The following CFAP99 variants were observed in gnomAD, a reference collection of about 807,000 sequenced individuals.
The protein encoded by CFAP99 is cilia- and flagella-associated protein 99.
In CFAP99, 84 loss-of-function variants were observed where a neutral mutation model predicts 82.7. The observed-to-expected ratio is 1.02, with a 90% CI of 0.85 to 1.22. CFAP99 has a LOEUF of 1.22. CFAP99 is among the 50% of genes most tolerant of loss of function. The pLI is 0.00. For missense variants in CFAP99, 1,059 were observed against 983.5 expected (o/e 1.08, Z -1.03); for synonymous variants, 456 against 429.5 (o/e 1.06, Z -0.76).
intron 14 of CFAP99, among the ~76,000 whole-genome samples, chr4:2,460,836 G>C (rs554369935): frequency 6.6e-6 from 1 of 152,188 alleles, no homozygotes; most frequent in Admixed American, 6.5e-5. Context: ...TGCAACCTCT[G>C]CCTCCCAGGT....
chr4:2,426,565 G>C, exon 2 of CFAP99: 1 of 1,535,912 alleles, frequency 6.5e-7, no homozygotes, highest in Non-Finnish European at 8.7e-7. Flanking sequence ...AGTTCCTGGA[G>C]GCTGCGGCCA....
intron 4 of CFAP99, among the ~76,000 whole-genome samples, chr4:2,440,677 C>T (rs1486173686): frequency 6.6e-6 from 1 of 151,928 alleles, no homozygotes; most frequent in Non-Finnish European, 1.5e-5. Context: ...ACTGCAAGCT[C>T]TGCCTCCCAG....
At chr4:2,429,593 C>CTTT (rs33954359) in intron 2 of CFAP99, among the ~76,000 whole-genome samples, 1 of 139,156 alleles carries the variant, frequency 7.2e-6, no homozygotes, top group African/African-American at 2.7e-5. Flanking sequence ...TTCTTTCTTT[C>CTTT]TTTTTTTTTT....
chr4:2,459,906 T>C (rs767691111), intron 13 of CFAP99, 131 bp from the exon 14 acceptor site: 3 of 778,064 alleles, frequency 3.9e-6, no homozygotes. Context: ...TGGGGGCATG[T>C]TTCATAAGCA....
intron 14 of CFAP99, among the ~76,000 whole-genome samples, chr4:2,460,523 G>A (rs978937179): frequency 1.7e-4 from 26 of 152,168 alleles, no homozygotes; most frequent in African/African-American, 5.3e-4. Flanking sequence ...TGTGCTTCAC[G>A]TAGCCAGCTA....
rs1321795733 is a variant in CFAP99, at chr4:2,421,877, T to C, written c.-18+2784T>C. On this transcript the variant is annotated intron_variant, in intron 1 of 14. Coordinates refer to ENST00000635017, the Ensembl canonical transcript of CFAP99. ...GGCAACATAGTAAGACCCCTGTCTC[T>C]ACAAAAAAAAAAAAAAAATTAAGCA... Among the ~76,000 whole-genome samples the C allele has an allele frequency of 4.7e-5, 5 of 105,904 alleles. No individual in the cohort carries two copies. The South Asian group carries it at 1.0e-3, about 21-fold the overall frequency. The allele number at this position is 105,904 out of a possible 152,430, so 69.5% of individuals were successfully genotyped here.
chr4:2,462,543 C>A lies in CFAP99; in HGVS notation c.1762C>A (p.Arg588Ser), dbSNP rs1482948262. 2 of 1,467,938 alleles carry A rather than the reference C, an allele frequency of 1.4e-6. No individual in the cohort carries two copies. The highest frequency in any genetic ancestry group is 1.8e-6 in the Non-Finnish European group (2 of 1,117,192). 90.9% of individuals were successfully genotyped at this position (1,467,938 alleles called of 1,614,324 possible). Residue 588 changes from arginine (R) to serine (S), a missense_variant, in exon 15 of 15, where the codon CGC becomes AGC. Coordinates refer to ENST00000635017, the Ensembl canonical transcript of CFAP99. This position sits in a 1 kb window ranked among gnomAD's most constrained non-coding sequence, Gnocchi z 4.1. Reference sequence around the variant, plus strand: ...CAGGATCTCGGAGAGGGCGGCCGAGCGCAGCAGGCAGGCGGCCTTGCTGCA... The same window carrying A: ...CAGGATCTCGGAGAGGGCGGCCGAGAGCAGCAGGCAGGCGGCCTTGCTGCA...
At chr4:2,437,073 C>T in intron 3 of CFAP99, 55 bp downstream of exon 3, 3 of 1,530,372 alleles carry the variant, frequency 2.0e-6, no homozygotes, top group Non-Finnish European at 2.6e-6. Flanking sequence ...CACTCAGGCT[C>T]TCTGCGGAAA....
In CFAP99 at chr4:2,459,121, G is replaced by A. The variant is rs1457069488; in HGVS notation, c.1318G>A (p.Glu440Lys). The A allele has an allele frequency of 1.8e-5, 28 of 1,522,120 alleles. No homozygotes were observed. The East Asian group carries it at 2.0e-4, about 11-fold the overall frequency. 94.3% of individuals were successfully genotyped at this position (1,522,120 alleles called of 1,614,324 possible). A position where few individuals can be genotyped will look rare whatever the true frequency, so the allele number is the denominator to read the frequency against. Residue 440 changes from glutamate to lysine, a missense_variant, in exon 13 of 15, where the codon GAG becomes AAG. By Grantham distance (56) the Glu-to-Lys change is moderately conservative. Transcript: ENST00000635017. ...TGGCCCCCAAGTTCAGGAGGCGATC[G>A]AGGAGAGCAGGGGGCTGCTGCAGCG...
In CFAP99 at chr4:2,448,020, AATGGATGG is replaced by A. The variant is rs145357095; in HGVS notation, c.643-1634_643-1627del. On this transcript the variant is annotated intron_variant, in intron 6 of 14. Coordinates refer to ENST00000635017, the Ensembl canonical transcript of CFAP99. This position sits in a 1 kb window ranked among gnomAD's most constrained non-coding sequence, Gnocchi z 5.2. The stretch of plus-strand genomic sequence containing the variant: ...AAGTAGATGGATGGATAAGTGGATG[AATGGATGG>A]ATGGATGGATGGATGATCAGAGGGA... 2.1e-5 allele frequency among the ~76,000 whole-genome samples: 3 copies of A among 141,786 alleles called. No homozygotes were observed. Among genetic ancestry groups the A allele is most frequent in the Admixed American group, 6.9e-5 (1 of 14,438 alleles). The allele number at this position is 141,786 out of a possible 152,430, so 93.0% of individuals were successfully genotyped here.
exon 3 of CFAP99, chr4:2,436,943 C>T: frequency 6.5e-7 from 1 of 1,536,084 alleles, no homozygotes; most frequent in Non-Finnish European, 8.7e-7. Context: ...CCGGAAGCTG[C>T]TGACCGTCGT....
chr4:2,462,282 C>A lies in CFAP99; in HGVS notation c.1662-161C>A. ...TGAGCGGTGGTACTGTCTAGGAGCG[C>A]GCCGCGGCCCCTGGGCCTCGCTGTC... On this transcript the variant is annotated intron_variant, in intron 14 of 14. Coordinates refer to ENST00000635017, the Ensembl canonical transcript of CFAP99. The surrounding 1 kb of genome is among the most constrained non-coding windows in gnomAD (Gnocchi z 4.1). The A allele has an allele frequency of 1.6e-6, 1 of 623,554 alleles. No individual in the cohort carries two copies. Among genetic ancestry groups the A allele is most frequent in the Non-Finnish European group, 2.5e-6 (1 of 399,930 alleles). 38.6% of individuals were successfully genotyped at this position (623,554 alleles called of 1,614,324 possible).
intron 12 of CFAP99, 42 bp downstream of exon 12, chr4:2,458,906 C>G: frequency 6.6e-7 from 1 of 1,511,398 alleles, no homozygotes; most frequent in Non-Finnish European, 8.8e-7. Context: ...CCCGCTCTTC[C>G]CCACTCGGGT....
chr4:2,450,181 G>T (rs988791791), intron 8 of CFAP99, 176 bp downstream of exon 8: 1 of 672,654 alleles, frequency 1.5e-6, no homozygotes, highest in Non-Finnish European at 2.6e-6. Context: ...CTGCGATGTG[G>T]CCCCTAAGCA....
intron 11 of CFAP99, among the ~76,000 whole-genome samples, chr4:2,454,697 G>A (rs1734388555): frequency 1.4e-5 from 2 of 142,458 alleles, no homozygotes; most frequent in South Asian, 2.3e-4. Flanking sequence ...TCTCAGCTCA[G>A]TGCAACCTCT....
At chr4:2,426,645 T>TAACCAGAACAG in intron 2 of CFAP99, 59 bp downstream of exon 2, 2 of 1,111,048 alleles carry the variant, frequency 1.8e-6, no homozygotes, top group Non-Finnish European at 2.6e-6. Context: ...GTGCAGCTGT[T>TAACCAGAACAG]CTGGTTAACA....
At chr4:2,436,948 C>T (rs1002644146) in exon 3 of CFAP99, 75 of 1,536,070 alleles carry the variant, frequency 4.9e-5, no homozygotes, top group Middle Eastern at 1.7e-4. Flanking sequence ...AGCTGCTGAC[C>T]GTCGTGGTGG....
exon 14 of CFAP99, chr4:2,460,180 G>A (rs1734585737): frequency 4.6e-6 from 7 of 1,536,158 alleles, no homozygotes; most frequent in Non-Finnish European, 6.1e-6. Flanking sequence ...GCCAGGAACT[G>A]CAGAACATGG....
At chr4:2,438,408 G>A (rs4974692) in intron 4 of CFAP99, among the ~76,000 whole-genome samples, 3,118 of 151,938 alleles carry the variant, frequency 0.021, 87 homozygotes, top group African/African-American at 0.066. Context: ...GACTACAGGC[G>A]CCCGCCACCA....
Sources: allele counts gnomAD v4.1 joint callset (sites outside exome capture counted in the v4.1 genomes callset), GRCh38; gene constraint gnomAD v4.1.1; non-coding constraint Gnocchi (gnomAD v3.1); transcripts MANE v1.5; gene names NCBI Gene and HGNC (gene_info 2026-07-23, HGNC 2026-07-21).